The following KCP variants were observed in gnomAD, a reference collection of about 807,000 sequenced individuals.
KCP encodes the protein kielin cysteine rich BMP regulator, also known as kielin/chordin-like protein.
KCP carries 194 observed loss-of-function variants against 212.7 expected under a neutral mutation model. The ratio of observed to expected loss-of-function variants is 0.91; its 90% CI spans 0.81 to 1.03. The LOEUF (loss-of-function observed/expected upper bound fraction) is 1.03. Ranked by LOEUF, KCP falls within the 50% of genes least tolerant of loss-of-function variation. The pLI is 0.00. For missense variants in KCP, 2,080 were observed against 2,162.5 expected, an observed-to-expected ratio of 0.96 and a Z score of 0.76; for synonymous variants, 833 against 865.3, an observed-to-expected ratio of 0.96 and a Z score of 0.65.
At chr7:128,884,598 C>T (rs1793530563) in intron 28 of KCP, among the ~76,000 whole-genome samples, 183 bp downstream of exon 28, 2 of 152,244 alleles carry the variant, frequency 1.3e-5, no homozygotes, top group African/African-American at 4.8e-5. Flanking sequence ...CGCTCCTTGT[C>T]TAAACCCAGA....
chr7:128,890,863 G>T lies in KCP; in HGVS notation c.2164+42C>A, dbSNP rs905508270. 1.2e-3 allele frequency: 1,417 copies of T among 1,228,466 alleles called. 1 individual carries two copies. Among genetic ancestry groups the T allele is most frequent in the Non-Finnish European group, 1.4e-3 (1,347 of 980,710 alleles). 76.1% of individuals were successfully genotyped at this position (1,228,466 alleles called of 1,614,324 possible). ...GGGCGCTCCGGGGCGGGGCGGGGCG[G>T]CAGGACGCGGGTGGCCGGGAGGGGC... On this transcript the variant is annotated intron_variant, in intron 20 of 39. Coordinates refer to ENST00000610776, the MANE Select transcript of KCP (RefSeq NM_001366122.1).
intron 22 of KCP, 60 bp downstream of exon 22, chr7:128,888,803 G>C: frequency 6.8e-7 from 1 of 1,469,908 alleles, no homozygotes; most frequent in South Asian, 1.2e-5. Flanking sequence ...AAGTGGAATC[G>C]GTGAGAAAGG....
chr7:128,891,425 C>T (rs995826124), intron 18 of KCP, 26 bp downstream of exon 18: 1 of 1,547,512 alleles, frequency 6.5e-7, no homozygotes, highest in South Asian at 1.2e-5. Context: ...CTCCCCTGGG[C>T]GCCTCCCACC....
rs1441014785 is a variant in KCP, at chr7:128,893,390, C to T, written c.1185+1G>A. ...TGGGTGTGAGCGGAGGGACCGCCTA[C>T]CTGGCAGGAGCAGCGGACACAGAGG... On this transcript the variant is annotated splice_donor_variant, in intron 12 of 39. Transcript: ENST00000610776. LOFTEE classifies it high-confidence loss of function. The T allele has an allele frequency of 2.2e-5, 34 of 1,551,516 alleles. 1 individual carries two copies. Among genetic ancestry groups the T allele is most frequent in the Middle Eastern group, 1.7e-4 (1 of 6,014 alleles).
chr7:128,888,357 TACAC>T (rs1793853063), intron 22 of KCP, among the ~76,000 whole-genome samples: 1 of 78,408 alleles, frequency 1.3e-5, no homozygotes. Flanking sequence ...CATACACAGA[TACAC>T]CCAAACACAC....
At chr7:128,893,622 A>C in intron 11 of KCP, 146 bp from the exon 12 acceptor site, 6 of 961,592 alleles carry the variant, frequency 6.2e-6, no homozygotes. Flanking sequence ...CCTGCCCCCC[A>C]CAGCTATGCC....
At chr7:128,891,577 CA>C in intron 17 of KCP, 44 bp from the exon 18 acceptor site, 1 of 1,533,936 alleles carries the variant, frequency 6.5e-7, no homozygotes, top group Non-Finnish European at 8.8e-7. Flanking sequence ...GCGACTGCCC[CA>C]GGGCGTGCTG....
intron 20 of KCP, 132 bp from the exon 21 acceptor site, chr7:128,890,645 G>T: frequency 1.4e-6 from 1 of 727,510 alleles, no homozygotes; most frequent in Non-Finnish European, 2.2e-6. Flanking sequence ...GGGGGCTGGG[G>T]GTCCGTGAGG....
chr7:128,888,227 TACACAGAC>T (rs1563030278), intron 22 of KCP, among the ~76,000 whole-genome samples: 1 of 131,778 alleles, frequency 7.6e-6, no homozygotes, highest in African/African-American at 2.9e-5. Flanking sequence ...CACACACAGA[TACACAGAC>T]ACACATACGG....
rs554577449 is a variant in KCP, at chr7:128,903,278, G to C, written c.749-419C>G. The C allele has an allele frequency of 1.5e-5, 4 of 266,980 alleles. No homozygotes were observed. In the East Asian group the frequency reaches 3.6e-4, roughly 24 times the overall value. 16.5% of individuals were successfully genotyped at this position (266,980 alleles called of 1,614,324 possible). ...TCTTTATCCTTAAGGGCCACCTGGG[G>C]ACCAGCTGCCTCCAGGACGCTTTCC... is the stretch of plus-strand genomic sequence containing the variant. On this transcript the variant is annotated intron_variant, in intron 7 of 39. Coordinates refer to ENST00000610776, the MANE Select transcript of KCP (RefSeq NM_001366122.1).
chr7:128,893,337 G>T lies in KCP; in HGVS notation c.1186-18C>A, dbSNP rs1289145291. 2 of 1,551,506 alleles carry T rather than the reference G, an allele frequency of 1.3e-6. No homozygotes were observed. Among genetic ancestry groups the T allele is most frequent in the South Asian group, 2.4e-5 (2 of 84,058 alleles). On this transcript the variant is annotated intron_variant, in intron 12 of 39. Coordinates refer to ENST00000610776, the MANE Select transcript of KCP (RefSeq NM_001366122.1). ...TCGCCAGCCTAGGAGGGAAGCAGGTGAGACACCCTGAAGGAATGAGGCAGA... is the reference window on the plus strand; with the variant it reads ...TCGCCAGCCTAGGAGGGAAGCAGGTTAGACACCCTGAAGGAATGAGGCAGA...
chr7:128,904,334 C>T lies in KCP; in HGVS notation c.572-196G>A, dbSNP rs1268718931. 4 of 1,551,794 alleles carry T rather than the reference C, an allele frequency of 2.6e-6. No individual in the cohort carries two copies. The African/African-American group carries it at 5.5e-5, about 21-fold the overall frequency. On this transcript the variant is annotated intron_variant, in intron 5 of 39. Coordinates refer to ENST00000610776, the MANE Select transcript of KCP (RefSeq NM_001366122.1). The stretch of plus-strand genomic sequence containing the variant: ...CCCAGGTGGGGTGCAGCTCTCCAAG[C>T]AGTTGAGCTCTGAACACGAGGGCCC...
At chr7:128,882,846 T>TG (rs1793413186) in intron 29 of KCP, among the ~76,000 whole-genome samples, 1 of 151,986 alleles carries the variant, frequency 6.6e-6, no homozygotes, top group Non-Finnish European at 1.5e-5. Context: ...CTGAGGCGGG[T>TG]GGATCACCTG....
At position 128,904,051 on chromosome 7, in the gene KCP, C is replaced by G; in HGVS notation, c.654+5G>C. 1 of 1,551,214 alleles carries G rather than the reference C, an allele frequency of 6.4e-7. No homozygotes were observed. The highest frequency in any genetic ancestry group is 1.2e-5 in the South Asian group (1 of 84,034). ...GGCCTGGGCAGAGGGGACAGGTGGA[C>G]TCACCAGGCAGGTGCACTGTAGACA... On this transcript the variant is annotated splice_donor_5th_base_variant and intron_variant, in intron 6 of 39. Coordinates refer to ENST00000610776, the MANE Select transcript of KCP (RefSeq NM_001366122.1).
rs1355670844 is a variant in KCP at position 128,904,110 on chromosome 7, C to A, written c.600G>T (p.Glu200Asp). 1 of 1,551,650 alleles carries A rather than the reference C, an allele frequency of 6.4e-7. No homozygotes were observed. The highest frequency in any genetic ancestry group is 1.2e-5 in the South Asian group (1 of 84,056). ...AGCTGGACAGGAAGGTGACCCCCTCCTCATAAAGCTGCCCCTCATAATCAC... is the reference window on the plus strand; with the variant it reads ...AGCTGGACAGGAAGGTGACCCCCTCATCATAAAGCTGCCCCTCATAATCAC... ...PGCDYEGQLYEEGVTFLSSSN... is the reference protein window; with the variant it reads ...PGCDYEGQLYDEGVTFLSSSN... Residue 200 changes from glutamate to aspartate, a missense_variant, in exon 6 of 40, where the codon GAG becomes GAT. Transcript: ENST00000610776.
chr7:128,903,346 G>A (rs919994025), intron 7 of KCP: 13 of 285,198 alleles, frequency 4.6e-5, no homozygotes, highest in Admixed American at 1.9e-4. Flanking sequence ...CTCTGAATTC[G>A]CACACTAGCT....
intron 30 of KCP, 70 bp downstream of exon 30, chr7:128,881,867 G>T (rs977804016): frequency 2.1e-6 from 3 of 1,457,916 alleles, no homozygotes; most frequent in Non-Finnish European, 2.8e-6. Flanking sequence ...TGCGGGAGAG[G>T]AGTGGCAGCC....
chr7:128,905,567 C>A (rs1329430796), intron 5 of KCP, among the ~76,000 whole-genome samples: 1 of 152,188 alleles, frequency 6.6e-6, no homozygotes, highest in African/African-American at 2.4e-5. Flanking sequence ...TGGCTCCATG[C>A]CTAGACAACT....
intron 5 of KCP, 75 bp downstream of exon 5, chr7:128,906,204 A>T: frequency 7.9e-7 from 1 of 1,269,158 alleles, no homozygotes; most frequent in Non-Finnish European, 1.1e-6. Context: ...TCCCAGACTC[A>T]CTGAGGTGGC....
Sources: gnomAD v4.1 joint callset for allele counts (sites outside exome capture counted in the v4.1 genomes callset) on GRCh38, gnomAD v4.1.1 for gene constraint, MANE v1.5 for transcripts, NCBI Gene and HGNC (gene_info 2026-07-23, HGNC 2026-07-21) for gene names.